The following ABCA12 variants were observed in gnomAD, a reference collection of about 807,000 sequenced individuals.
The protein encoded by ABCA12 is glucosylceramide transporter ABCA12.
A neutral mutation model predicts 293.5 loss-of-function variants in ABCA12; 156 were observed. The observed-to-expected ratio is 0.53, with a 90% CI of 0.47 to 0.61. The LOEUF is 0.61. ABCA12 is among the 20% of genes least tolerant of loss of function. The probability of loss-of-function intolerance (pLI) is 0.00; values close to 1 mark genes in which losing one functional copy is unlikely to be tolerated. For missense variants in ABCA12, 2,797 were observed against 3,090.2 expected, an observed-to-expected ratio of 0.91 and a Z score of 2.25; for synonymous variants, 1,063 against 1,108.0, an observed-to-expected ratio of 0.96 and a Z score of 0.81.
chr2:215,002,781 C>A (rs75115033), intron 20 of ABCA12, among the ~76,000 whole-genome samples: 274 of 152,278 alleles, frequency 1.8e-3, no homozygotes, highest in African/African-American at 6.2e-3. Context: ...AAAAACACTT[C>A]AAGGGGTCAG....
chr2:215,037,053 A>C lies in ABCA12; in HGVS notation c.885T>G (p.Val295=), dbSNP rs1405717906. Residue 295 remains valine, a synonymous_variant, in exon 8 of 53, where the codon GTT becomes GTG. Coordinates refer to ENST00000272895, the MANE Select transcript of ABCA12 (RefSeq NM_173076.3). ...VLRKANSVLL[V]VQKVYPRFAT... ...CAAAACGTGGATAAACCTTCTGCAC[A>C]ACCAGCAGCACACTAAGGAGTCAAA... 6.2e-7 allele frequency: 1 copy of C among 1,613,894 alleles called. No homozygotes were observed.
intron 13 of ABCA12, 89 bp downstream of exon 13, chr2:215,019,247 G>T: frequency 8.3e-7 from 1 of 1,200,382 alleles, no homozygotes; most frequent in Non-Finnish European, 1.2e-6. Context: ...GAGTTTGGTT[G>T]GGAACTTCAA....
In ABCA12 at chr2:214,978,784, AAAG is replaced by A. The variant is rs780004725; in HGVS notation, c.4977+17_4977+19del. 8 of 1,609,848 alleles carry A rather than the reference AAAG, an allele frequency of 5.0e-6. No individual in the cohort carries two copies. The highest frequency in any genetic ancestry group is 6.8e-6 in the Non-Finnish European group (8 of 1,176,284). ...CAAGTTATATCAGCTTGAAGAAAAA[AAAG>A]AAATATTGAGGTATACCTCCTCCAC... On this transcript the variant is annotated intron_variant, in intron 32 of 52. Transcript: ENST00000272895.
At chr2:215,059,667 G>A (rs1701490116) in intron 3 of ABCA12, among the ~76,000 whole-genome samples, 1 of 151,920 alleles carries the variant, frequency 6.6e-6, no homozygotes, top group African/African-American at 2.4e-5. Context: ...GGGCAGATTA[G>A]GGGGTATCCT....
At chr2:214,938,034 C>T (rs2105911795) in intron 50 of ABCA12, among the ~76,000 whole-genome samples, 1 of 152,082 alleles carries the variant, frequency 6.6e-6, no homozygotes, top group Admixed American at 6.5e-5. Flanking sequence ...TATACATGTG[C>T]CGTGGTGGTT....
Position 214,948,658 on chromosome 2 carries a change from C to T in ABCA12, c.7042G>A (p.Val2348Met). 6.2e-7 allele frequency: 1 copy of T among 1,614,094 alleles called. No homozygotes were observed. The highest frequency in any genetic ancestry group is 8.5e-7 in the Non-Finnish European group (1 of 1,179,972). Residue 2348 changes from valine (V) to methionine (M), a missense_variant, in exon 47 of 53, where the codon GTG becomes ATG. Coordinates refer to ENST00000272895, the MANE Select transcript of ABCA12 (RefSeq NM_173076.3). ...QEDALDDLVT[V>M]EEHLYFYARV... The stretch of plus-strand genomic sequence containing the variant: ...GCATAGAAATACAAATGTTCTTCCA[C>T]AGTTACCAGGTCATCTAAGGCATCT...
At chr2:215,132,624 T>C (rs1208530967) in intron 1 of ABCA12, among the ~76,000 whole-genome samples, 2 of 152,066 alleles carry the variant, frequency 1.3e-5, no homozygotes, top group Non-Finnish European at 2.9e-5. Flanking sequence ...TAAGTCTGAA[T>C]GCATCTTTAC....
chr2:214,956,387 T>C (rs1473522551), intron 42 of ABCA12, among the ~76,000 whole-genome samples: 2 of 152,190 alleles, frequency 1.3e-5, no homozygotes, highest in African/African-American at 4.8e-5. Flanking sequence ...CATTTTTATG[T>C]AAATGAGATC....
At chr2:215,084,867 G>T (rs116799651) in intron 2 of ABCA12, among the ~76,000 whole-genome samples, 4,394 of 152,118 alleles carry the variant, frequency 0.029, 141 homozygotes, top group African/African-American at 0.074. Context: ...GCCGAGTCGG[G>T]CAGGTCACTT....
At position 215,007,717 on chromosome 2, in the gene ABCA12, CA is replaced by C; in HGVS notation, c.2592+9del. 4 of 1,613,854 alleles carry C rather than the reference CA, an allele frequency of 2.5e-6. No homozygotes were observed. The highest frequency in any genetic ancestry group is 3.4e-6 in the Non-Finnish European group (4 of 1,179,876). On this transcript the variant is annotated intron_variant, in intron 19 of 52. Coordinates refer to ENST00000272895, the MANE Select transcript of ABCA12 (RefSeq NM_173076.3). ...TTCCTACTAAGTTGAATGACAGAAG[CA>C]TCTCATACCTGGAGCATTGGAATTG...
chr2:215,032,187 C>A (rs75144929), intron 8 of ABCA12: 2 of 1,049,880 alleles, frequency 1.9e-6, no homozygotes, highest in Admixed American at 6.7e-5. Context: ...ATCCCAGGAC[C>A]TGCATATGCA....
At chr2:215,091,453 C>A (rs1388483263) in intron 2 of ABCA12, among the ~76,000 whole-genome samples, 1 of 152,138 alleles carries the variant, frequency 6.6e-6, no homozygotes, top group Non-Finnish European at 1.5e-5. Context: ...CGACCTCTCC[C>A]AAATCAGTTA....
rs1050407481 is a variant in ABCA12 at position 214,932,426 on chromosome 2, G to A, written c.*208C>T. On this transcript the variant is annotated 3_prime_UTR_variant, in exon 53 of 53. Transcript: ENST00000272895. ...CATGCTCACAGTGTTGAGTATACAGGAATTCATTTCAGTAGCAACAACACT... is the reference window on the plus strand; with the variant it reads ...CATGCTCACAGTGTTGAGTATACAGAAATTCATTTCAGTAGCAACAACACT... 2.3e-5 allele frequency: 13 copies of A among 575,678 alleles called. No homozygotes were observed. The highest frequency in any genetic ancestry group is 3.7e-5 in the Non-Finnish European group (12 of 322,176). The allele number at this position is 575,678 out of a possible 1,614,324, so 35.7% of individuals were successfully genotyped here.
chr2:214,938,723 A>AGC (rs1698302023), intron 50 of ABCA12, among the ~76,000 whole-genome samples: 1 of 151,134 alleles, frequency 6.6e-6, no homozygotes, highest in Admixed American at 6.6e-5. Context: ...CAGTAATGAG[A>AGC]TTTTCTTCAT....
chr2:215,097,027 AG>A (rs1702261054), intron 2 of ABCA12, among the ~76,000 whole-genome samples: 1 of 152,190 alleles, frequency 6.6e-6, no homozygotes, highest in African/African-American at 2.4e-5. Context: ...GATCCTATGA[AG>A]GGAAGACCAG....
In ABCA12 at chr2:215,025,697, T is replaced by C; in HGVS notation, c.1263A>G (p.Pro421=). Residue 421 remains proline (P), a synonymous_variant, in exon 11 of 53, where the codon CCA becomes CCG. Coordinates refer to ENST00000272895, the MANE Select transcript of ABCA12 (RefSeq NM_173076.3). ...RNGSYEDYFP[P]VPEVLKSKLS... is the part of the protein sequence containing the mutation. ...CTTTTGATTTTAGGACTTCAGGAAC[T>C]GGAGGAAAGTAATCTTCATAGGAAC... 1 of 1,610,450 alleles carries C rather than the reference T, an allele frequency of 6.2e-7. No individual in the cohort carries two copies. The highest frequency in any genetic ancestry group is 1.3e-5 in the African/African-American group (1 of 74,834).
At chr2:214,964,105 T>G (rs765837746) in intron 39 of ABCA12, among the ~76,000 whole-genome samples, 2 of 152,058 alleles carry the variant, frequency 1.3e-5, no homozygotes, top group Non-Finnish European at 2.9e-5. Flanking sequence ...ATGTGATTTA[T>G]CACATAAACA....
intron 1 of ABCA12, among the ~76,000 whole-genome samples, chr2:215,126,766 T>C (rs1702932789): frequency 6.6e-6 from 1 of 152,170 alleles, no homozygotes; most frequent in African/African-American, 2.4e-5. Context: ...TTCATTTATC[T>C]TTTGTAATTT....
At chr2:215,036,741 C>G (rs1403792322) in intron 8 of ABCA12, among the ~76,000 whole-genome samples, 1 of 151,970 alleles carries the variant, frequency 6.6e-6, no homozygotes, top group Non-Finnish European at 1.5e-5. Context: ...TTTCACCTAA[C>G]TAAAAACCCT....
Sources: allele counts gnomAD v4.1 joint callset (sites outside exome capture counted in the v4.1 genomes callset), GRCh38; gene constraint gnomAD v4.1.1; transcripts MANE v1.5; gene names NCBI Gene and HGNC (gene_info 2026-07-23, HGNC 2026-07-21).